The following CTPS2 variants were observed in gnomAD, a reference collection of about 807,000 sequenced individuals.
The protein encoded by CTPS2 is CTP synthase II.
A neutral mutation model predicts 46.8 loss-of-function variants in CTPS2; 19 were observed. The observed-to-expected ratio is 0.41, with a 90% CI of 0.28 to 0.60. The LOEUF is 0.60. Ranked by LOEUF, CTPS2 falls within the 20% of genes least tolerant of loss-of-function variation. CTPS2 has a pLI of 0.35. For synonymous variants in CTPS2, 151 were observed against 165.2 expected, an observed-to-expected ratio of 0.91 and a Z score of 0.66; for missense variants, 286 against 447.6, an observed-to-expected ratio of 0.64 and a Z score of 3.26.
At chrX:16,618,532 CA>C (rs1462421195) in intron 15 of CTPS2, among the ~76,000 whole-genome samples, 1 of 111,417 alleles carries the variant, frequency 9.0e-6, no homozygotes, top group Non-Finnish European at 1.9e-5. Context: ...GATGGTTTTC[CA>C]AAGGGGCTGC....
chrX:16,652,565 A>T (rs377371075), intron 13 of CTPS2, among the ~76,000 whole-genome samples: 1 of 112,527 alleles, frequency 8.9e-6, no homozygotes, highest in African/African-American at 3.2e-5. Flanking sequence ...TTAAAATTTT[A>T]AAAGACCCTT....
At chrX:16,597,202 A>T (rs953283696) in intron 17 of CTPS2, among the ~76,000 whole-genome samples, 7 of 111,529 alleles carry the variant, frequency 6.3e-5, no homozygotes, top group Non-Finnish European at 9.4e-5. Context: ...GTTTAATTAG[A>T]TCCCATTTGT....
intron 17 of CTPS2, among the ~76,000 whole-genome samples, chrX:16,599,450 C>CTTTTCT (rs1220183189): frequency 1.9e-5 from 2 of 103,476 alleles, no homozygotes; most frequent in Admixed American, 2.1e-4. Flanking sequence ...ACATGTAGTT[C>CTTTTCT]TTTTCTTTTT....
At chrX:16,667,925 C>T (rs1022814255) in intron 11 of CTPS2, among the ~76,000 whole-genome samples, 6 of 107,644 alleles carry the variant, frequency 5.6e-5, no homozygotes, top group Non-Finnish European at 9.6e-5. Context: ...ATCATGAAGC[C>T]GCCTAAGTCC....
intron 1 of CTPS2, among the ~76,000 whole-genome samples, chrX:16,709,130 A>G (rs1925247992): frequency 9.0e-6 from 1 of 111,310 alleles, no homozygotes; most frequent in Non-Finnish European, 1.9e-5. Context: ...GTTAAAAAAA[A>G]AGAAAATGCT....
chrX:16,620,646 CG>C (rs1930774762), intron 14 of CTPS2, among the ~76,000 whole-genome samples: 1 of 112,268 alleles, frequency 8.9e-6, no homozygotes, highest in Admixed American at 9.4e-5. Context: ...GACTAAGAGA[CG>C]GCCATGTCTG....
intron 16 of CTPS2, 129 bp downstream of exon 16, chrX:16,617,021 G>A (rs1360044677): frequency 6.2e-6 from 3 of 487,017 alleles, no homozygotes; most frequent in East Asian, 3.5e-5. Flanking sequence ...CATGTACTTT[G>A]TAGTTACATA....
At chrX:16,672,445 G>T (rs771686335) in intron 10 of CTPS2, among the ~76,000 whole-genome samples, 1 of 110,854 alleles carries the variant, frequency 9.0e-6, no homozygotes, top group South Asian at 3.9e-4. Flanking sequence ...TTTCCTTTTC[G>T]TATCTTTTCT....
intron 1 of CTPS2, among the ~76,000 whole-genome samples, chrX:16,705,970 G>T (rs780690189): frequency 9.2e-6 from 1 of 108,521 alleles, no homozygotes; most frequent in Non-Finnish European, 1.9e-5. Context: ...GTGTGGTGGT[G>T]CACACCTGTA....
intron 14 of CTPS2, among the ~76,000 whole-genome samples, chrX:16,635,536 T>C (rs1931701410): frequency 9.1e-6 from 1 of 110,247 alleles, no homozygotes; most frequent in Non-Finnish European, 1.9e-5. Flanking sequence ...TAGGAGGGCG[T>C]GGTGGCACAT....
intron 1 of CTPS2, among the ~76,000 whole-genome samples, chrX:16,703,533 A>G (rs1272861341): frequency 9.1e-6 from 1 of 110,425 alleles, no homozygotes; most frequent in Non-Finnish European, 1.9e-5. Context: ...GGTTCTTACT[A>G]TGATGCCCTG....
intron 6 of CTPS2, among the ~76,000 whole-genome samples, chrX:16,692,564 C>T (rs1028687103): frequency 9.0e-6 from 1 of 111,540 alleles, no homozygotes; most frequent in Non-Finnish European, 1.9e-5. Context: ...CTAAAGAATC[C>T]AGGAATCATA....
intron 14 of CTPS2, among the ~76,000 whole-genome samples, chrX:16,633,807 G>A (rs1038722261): frequency 3.6e-5 from 4 of 112,033 alleles, no homozygotes; most frequent in Non-Finnish European, 7.5e-5. Flanking sequence ...AGGGACACAA[G>A]TACAGTGAAT....
intron 2 of CTPS2, 74 bp from the exon 3 acceptor site, chrX:16,699,167 T>C: frequency 1.3e-6 from 1 of 782,882 alleles, no homozygotes; most frequent in African/African-American, 2.1e-5. Context: ...CATATTTTTG[T>C]TAAAAAGCTG....
intron 4 of CTPS2, among the ~76,000 whole-genome samples, chrX:16,694,525 C>T (rs766246110): frequency 1.8e-5 from 2 of 112,565 alleles, no homozygotes; most frequent in East Asian, 5.6e-4. Flanking sequence ...ATTTCATTTC[C>T]GTCTTTGTTT....
intron 1 of CTPS2, among the ~76,000 whole-genome samples, chrX:16,703,931 CT>C (rs59145743): frequency 0.013 from 1,237 of 92,482 alleles, 9 homozygotes; most frequent in African/African-American, 0.038. Flanking sequence ...TGGGCAAGTT[CT>C]TTTTTTTTTT....
chrX:16,613,275 A>G (rs1047057793), intron 16 of CTPS2, among the ~76,000 whole-genome samples: 1 of 111,772 alleles, frequency 8.9e-6, no homozygotes, highest in Non-Finnish European at 1.9e-5. Context: ...CTTAGTACTC[A>G]ATATATGAGA....
chrX:16,657,050 A>AT (rs1281407670), intron 13 of CTPS2, among the ~76,000 whole-genome samples: 4 of 107,748 alleles, frequency 3.7e-5, no homozygotes, highest in Non-Finnish European at 7.7e-5. Context: ...TGACTGGCTA[A>AT]TTTTTTTTCT....
chrX:16,596,187 T>G (rs868582369), intron 17 of CTPS2, among the ~76,000 whole-genome samples: 1 of 100,924 alleles, frequency 9.9e-6, no homozygotes. Context: ...AGTTTTTTTT[T>G]GTTTTTTTTT....
Sources: allele counts gnomAD v4.1 joint callset (sites outside exome capture counted in the v4.1 genomes callset), GRCh38; gene constraint gnomAD v4.1.1; transcripts MANE v1.5; gene names NCBI Gene and HGNC (gene_info 2026-07-23, HGNC 2026-07-21).